ANKRD53: variants seen among roughly 807,000 people sequenced by gnomAD.
The protein encoded by ANKRD53 is ankyrin repeat domain 53.
In ANKRD53, 27 loss-of-function variants were observed where a neutral mutation model predicts 30.1. The ratio of observed to expected loss-of-function variants is 0.90; its 90% confidence interval spans 0.66 to 1.24. The LOEUF is 1.24. Among genes scored for constraint, ANKRD53 ranks in the 50% most tolerant of loss-of-function variants. ANKRD53 has a pLI of 0.00. For missense variants in ANKRD53, 682 were observed against 721.0 expected (o/e 0.95, Z 0.62); for synonymous variants, 286 against 295.4 (o/e 0.97, Z 0.33).
intron 5 of ANKRD53, chr2:70,984,183 C>A (rs1670099262): frequency 1.2e-6 from 2 of 1,614,216 alleles, no homozygotes; most frequent in African/African-American, 2.7e-5. Flanking sequence ...AGAGACTCTC[C>A]TATGGCAGGA....
At chr2:70,979,537 G>T in intron 2 of ANKRD53, 124 bp from the exon 3 acceptor site, 1 of 1,391,376 alleles carries the variant, frequency 7.2e-7, no homozygotes. Flanking sequence ...ATTAGCAAAA[G>T]GGTGTGAGCA....
In ANKRD53 at chr2:70,984,770, C is replaced by T. The variant is rs782160128; in HGVS notation, c.1063C>T (p.Pro355Ser). ...RESQRSRSFHPSVDARLQCIP... is the reference protein window; with the variant it reads ...RESQRSRSFHSSVDARLQCIP... ...ATCGCAGCGTTCCAGGAGCTTCCAC[C>T]CCTCTGTGGATGCACGCCTGCAATG... Residue 355 changes from proline to serine, a missense_variant, in exon 6 of 6, where the codon CCC becomes TCC. Transcript: ENST00000360589. The T allele has an allele frequency of 5.1e-6, 8 of 1,571,068 alleles. No individual in the cohort carries two copies. The highest frequency in any genetic ancestry group is 6.9e-6 in the Non-Finnish European group (8 of 1,157,372).
chr2:70,980,730 G>C, intron 3 of ANKRD53, among the ~76,000 whole-genome samples: 1 of 152,274 alleles, frequency 6.6e-6, no homozygotes, highest in South Asian at 2.1e-4. Flanking sequence ...CGGATCACGA[G>C]GTCAGGAGAT....
intron 2 of ANKRD53, 76 bp downstream of exon 2, chr2:70,979,419 A>G: frequency 6.3e-7 from 1 of 1,591,280 alleles, no homozygotes; most frequent in South Asian, 1.1e-5. Flanking sequence ...CCTGGAGAAG[A>G]GATATCCTTT....
intron 3 of ANKRD53, among the ~76,000 whole-genome samples, chr2:70,980,315 CAACAAAAAAAAA>C (rs1669969876): frequency 1.3e-5 from 1 of 74,408 alleles, no homozygotes; most frequent in African/African-American, 4.8e-5. Context: ...GACTCCGTCT[CAACAAAAAAAAA>C]AAAAAAAAAA....
rs1669909776 is a variant in ANKRD53 at position 70,978,915 on chromosome 2, G to T, written c.170+100G>T. ...TGGAGCGGGCGGGGGCGGAGGCTGC[G>T]GCCCGAGAAGCCAGCAGAGACAGGC... On this transcript the variant is annotated intron_variant, in intron 1 of 5. Transcript: ENST00000360589. This position sits in a 1 kb window ranked among gnomAD's most constrained non-coding sequence, Gnocchi z 4.3. 4 of 1,454,006 alleles carry T rather than the reference G, an allele frequency of 2.8e-6. No homozygotes were observed. In the Admixed American group the frequency reaches 7.7e-5, roughly 28 times the overall value. The allele number at this position is 1,454,006 out of a possible 1,614,324, so 90.1% of individuals were successfully genotyped here. A position where few individuals can be genotyped will look rare whatever the true frequency, so the allele number is the denominator to read the frequency against.
chr2:70,979,342 A>T lies in ANKRD53; in HGVS notation c.416A>T (p.Lys139Met), dbSNP rs1002104412. The change falls in exon 2 of 6, where the codon AAG becomes ATG. Residue 139 changes from lysine (K) to methionine (M), a missense_variant and splice_region_variant. Lys to Met is a moderately conservative substitution (Grantham distance 95). Transcript: ENST00000360589. ...QSLREIPTDD[K>M]GFTAIHFAAQ... is the part of the protein sequence containing the mutation. Reference sequence around the variant, plus strand: ...CTCAGGGAAATCCCCACCGACGACAAGGTAAGGTCTTGAGTGTTGGGGCAA... The same window carrying T: ...CTCAGGGAAATCCCCACCGACGACATGGTAAGGTCTTGAGTGTTGGGGCAA... 2.5e-6 allele frequency: 4 copies of T among 1,613,378 alleles called. No homozygotes were observed. The highest frequency in any genetic ancestry group is 3.3e-4 in the Middle Eastern group (2 of 6,084).
In ANKRD53 at chr2:70,984,492, T is replaced by C. The variant is rs1391120680; in HGVS notation, c.904-119T>C. ...ACTCAGACTTTCCCTCCCATCAGAC[T>C]CAGAGTTTCCCTCATCCTTCAGACT... On this transcript the variant is annotated intron_variant, in intron 5 of 5. Transcript: ENST00000360589. 25 of 1,530,538 alleles carry C rather than the reference T, an allele frequency of 1.6e-5. No homozygotes were observed. In the Admixed American group the frequency reaches 4.9e-4, roughly 30 times the overall value. 94.8% of individuals were successfully genotyped at this position (1,530,538 alleles called of 1,614,324 possible).
intron 1 of ANKRD53, 29 bp from the exon 2 acceptor site, chr2:70,979,068 A>G (rs782338508): frequency 1.3e-6 from 2 of 1,545,824 alleles, no homozygotes; most frequent in Non-Finnish European, 1.7e-6. Context: ...CGTGGCCCAG[A>G]GTCGCTTCCC....
At chr2:70,983,463 G>A (rs980802922) in intron 5 of ANKRD53, among the ~76,000 whole-genome samples, 42 of 152,328 alleles carry the variant, frequency 2.8e-4, no homozygotes, top group African/African-American at 9.9e-4. Context: ...TTAAGCAGGT[G>A]TAATTACATA....
Position 70,982,553 on chromosome 2 carries a change from C to T in ANKRD53, c.783-24C>T. The T allele has an allele frequency of 6.2e-7, 1 of 1,612,936 alleles. No homozygotes were observed. The highest frequency in any genetic ancestry group is 8.5e-7 in the Non-Finnish European group (1 of 1,179,250). ...GAAGCTCTGTCACTGTGGGATGACA[C>T]CCCCGCCCTGACCTTGGCACCAGGT... On this transcript the variant is annotated intron_variant, in intron 4 of 5. Coordinates refer to ENST00000360589, the MANE Select transcript of ANKRD53 (RefSeq NM_001115116.2). The surrounding 1 kb of genome is among the most constrained non-coding windows in gnomAD (Gnocchi z 4.2).
Position 70,985,003 on chromosome 2 carries a change from C to A in ANKRD53, c.1296C>A (p.Gly432=). 6.5e-7 allele frequency: 1 copy of A among 1,548,706 alleles called. No individual in the cohort carries two copies. The highest frequency in any genetic ancestry group is 8.7e-7 in the Non-Finnish European group (1 of 1,146,332). ...SFLEVRPDGH[G]GARLHTVDGH... is the part of the protein sequence containing the mutation. ...TGGAGGTGAGGCCTGATGGGCACGGCGGTGCGCGGCTGCACACAGTGGACG... is the reference window on the plus strand; with the variant it reads ...TGGAGGTGAGGCCTGATGGGCACGGAGGTGCGCGGCTGCACACAGTGGACG... The change falls in exon 6 of 6, where the codon GGC becomes GGA. Residue 432 remains glycine (G), a synonymous_variant. Transcript: ENST00000360589.
At chr2:70,981,530 G>A (rs1553423620) in intron 3 of ANKRD53, among the ~76,000 whole-genome samples, 1 of 152,178 alleles carries the variant, frequency 6.6e-6, no homozygotes, top group African/African-American at 2.4e-5. Context: ...AAGACCATGT[G>A]TTGGGAAAGA....
Position 70,984,743 on chromosome 2 carries a change from G to C in ANKRD53, c.1036G>C (p.Glu346Gln). Residue 346 changes from glutamate to glutamine, a missense_variant, in exon 6 of 6, where the codon GAA becomes CAA. Physicochemically the swap from Glu to Gln is conservative, Grantham distance 29. Coordinates refer to ENST00000360589, the MANE Select transcript of ANKRD53 (RefSeq NM_001115116.2). ...TALSKTPEQR[E>Q]SQRSRSFHPS... ...CCTCTCCAAGACCCCAGAGCAACGG[G>C]AATCGCAGCGTTCCAGGAGCTTCCA... 6.3e-7 allele frequency: 1 copy of C among 1,597,464 alleles called. No individual in the cohort carries two copies. Among genetic ancestry groups the C allele is most frequent in the Non-Finnish European group, 8.5e-7 (1 of 1,171,436 alleles).
intron 1 of ANKRD53, 90 bp from the exon 2 acceptor site, chr2:70,979,007 G>A (rs939781477): frequency 2.1e-6 from 3 of 1,435,866 alleles, no homozygotes; most frequent in Admixed American, 2.6e-5. Flanking sequence ...CCACTGCCCC[G>A]CCCACCAGCC....
chr2:70,978,932 G>T lies in ANKRD53; in HGVS notation c.170+117G>T. The T allele has an allele frequency of 6.9e-7, 1 of 1,444,414 alleles. No individual in the cohort carries two copies. 89.5% of individuals were successfully genotyped at this position (1,444,414 alleles called of 1,614,324 possible). A position where few individuals can be genotyped will look rare whatever the true frequency, so the allele number is the denominator to read the frequency against. On this transcript the variant is annotated intron_variant, in intron 1 of 5. Coordinates refer to ENST00000360589, the MANE Select transcript of ANKRD53 (RefSeq NM_001115116.2). The surrounding 1 kb of genome is among the most constrained non-coding windows in gnomAD (Gnocchi z 4.3). ...GAGGCTGCGGCCCGAGAAGCCAGCA[G>T]AGACAGGCTGGGGCCAGGGATCGCC... is the stretch of plus-strand genomic sequence containing the variant.
rs1553424583 is a variant in ANKRD53, at chr2:70,985,105, C to T, written c.1398C>T (p.Tyr466=). ...TGCTGTACCCACGTGTATGGCCATA[C>T]AGAATGAAGGTGCCCCAGGGCTTTT... ...LRMLYPRVWP[Y]RMKVPQGFYP... Residue 466 remains tyrosine (Y), a synonymous_variant, in exon 6 of 6, where the codon TAC becomes TAT. Coordinates refer to ENST00000360589, the MANE Select transcript of ANKRD53 (RefSeq NM_001115116.2). The T allele has an allele frequency of 6.4e-7, 1 of 1,550,996 alleles. No homozygotes were observed. The highest frequency in any genetic ancestry group is 8.7e-7 in the Non-Finnish European group (1 of 1,146,996).
Position 70,985,183 on chromosome 2 carries a change from C to G in ANKRD53, c.1476C>G (p.Thr492=), listed in dbSNP as rs1553424619. 8 of 1,551,326 alleles carry G rather than the reference C, an allele frequency of 5.2e-6. No homozygotes were observed. The South Asian group carries it at 5.9e-5, about 12-fold the overall frequency. Residue 492 remains threonine, a synonymous_variant, in exon 6 of 6, where the codon ACC becomes ACG. Transcript: ENST00000360589. ...VPRKRHLGDN[T]FWTDTLAMNL... is the part of the protein sequence containing the mutation. ...GGAAGCGGCACCTGGGTGACAACAC[C>G]TTCTGGACCGACACTCTGGCCATGA...
rs1553423219 is a variant in ANKRD53 at position 70,979,785 on chromosome 2, T to A, written c.542T>A (p.Val181Asp). 6.2e-7 allele frequency: 1 copy of A among 1,614,218 alleles called. No individual in the cohort carries two copies. Reference sequence around the variant, plus strand: ...AATAGCCAGACACCCCTGCACCTCGTCATCCACAGGGACAACACCACCGTG... The same window carrying A: ...AATAGCCAGACACCCCTGCACCTCGACATCCACAGGGACAACACCACCGTG... ...TNNSQTPLHL[V>D]IHRDNTTVAL... Residue 181 changes from valine (V) to aspartate (D), a missense_variant, in exon 3 of 6, where the codon GTC (valine) becomes GAC (aspartate). By Grantham distance (152) the Val-to-Asp change is radical. Coordinates refer to ENST00000360589, the MANE Select transcript of ANKRD53 (RefSeq NM_001115116.2).
Sources: allele counts gnomAD v4.1 joint callset (sites outside exome capture counted in the v4.1 genomes callset), GRCh38; gene constraint gnomAD v4.1.1; non-coding constraint Gnocchi (gnomAD v3.1); transcripts MANE v1.5; gene names NCBI Gene and HGNC (gene_info 2026-07-23, HGNC 2026-07-21).